GNA13: variants seen among roughly 807,000 people sequenced by gnomAD.
GNA13 encodes the protein guanine nucleotide-binding protein subunit alpha-13.
GNA13 carries 4 observed loss-of-function variants against 33.5 expected under a neutral mutation model. The observed-to-expected ratio is 0.12, with a 90% confidence interval of 0.06 to 0.27. The LOEUF (loss-of-function observed/expected upper bound fraction) is 0.27, where lower values mean the gene tolerates loss of function less well. Ranked by LOEUF, GNA13 falls within the 10% of genes least tolerant of loss-of-function variation. The probability of loss-of-function intolerance (pLI) is 1.00; values close to 1 mark genes in which losing one functional copy is unlikely to be tolerated. For missense variants in GNA13, 319 were observed against 487.2 expected, an observed-to-expected ratio of 0.65 and a Z score of 3.25; for synonymous variants, 176 against 183.8, an observed-to-expected ratio of 0.96 and a Z score of 0.34.
intron 3 of GNA13, among the ~76,000 whole-genome samples, chr17:65,017,456 G>C (rs1338593380): frequency 6.6e-6 from 1 of 152,160 alleles, no homozygotes; most frequent in Non-Finnish European, 1.5e-5. Flanking sequence ...GCTACATTTA[G>C]AGAGTAACAG....
intron 2 of GNA13, among the ~76,000 whole-genome samples, chr17:65,027,452 G>T (rs1210897101): frequency 6.6e-6 from 1 of 151,700 alleles, no homozygotes; most frequent in Non-Finnish European, 1.5e-5. Flanking sequence ...AGCCACTGGG[G>T]GCCCTTTAAA....
Position 65,011,748 on chromosome 17 carries a change from ATC to A in GNA13, c.*2507_*2508del, listed in dbSNP as rs1012511923. The A allele has an allele frequency of 1.3e-5, 3 of 228,054 alleles. No homozygotes were observed. Among genetic ancestry groups the A allele is most frequent in the Non-Finnish European group, 2.6e-5 (3 of 114,928 alleles). 14.1% of individuals were successfully genotyped at this position (228,054 alleles called of 1,614,324 possible). Reference sequence around the variant, plus strand: ...AATCAAATACATCAAAGAACTTTAAATCTAAATTACTTTTTTAGAGACTGGGG... The same window carrying A: ...AATCAAATACATCAAAGAACTTTAAATAAATTACTTTTTTAGAGACTGGGG... On this transcript the variant is annotated 3_prime_UTR_variant, in exon 4 of 4. Transcript: ENST00000439174.
intron 2 of GNA13, among the ~76,000 whole-genome samples, chr17:65,045,523 A>C (rs994601587): frequency 4.6e-5 from 7 of 151,148 alleles, no homozygotes; most frequent in African/African-American, 1.7e-4. Context: ...AAAAAAAAAA[A>C]AAAAACCAAA....
At chr17:65,052,319 A>T (rs10451275) in intron 2 of GNA13, 1 of 152,260 alleles carries the variant, frequency 6.6e-6, no homozygotes, top group African/African-American at 2.4e-5. Context: ...ACACCTGGCT[A>T]ATTTTTGTAT....
At position 65,056,728 on chromosome 17, in the gene GNA13, G is replaced by C; in HGVS notation, c.-135C>G. 1.1e-5 allele frequency: 3 copies of C among 272,074 alleles called. No homozygotes were observed. The East Asian group carries it at 5.4e-4, about 49-fold the overall frequency. The allele number at this position is 272,074 out of a possible 1,614,324, so 16.9% of individuals were successfully genotyped here. ...GCCCGAGCGCGCCCAGGGAGGGAGG[G>C]AACCAGCGAACTGACTCGCAGGGCG... On this transcript the variant is annotated 5_prime_UTR_variant, in exon 1 of 4. Transcript: ENST00000439174.
chr17:65,013,778 C>G lies in GNA13; in HGVS notation c.*479G>C, dbSNP rs1170758807. ...GAATGCCATTTCTTAGATAGAACTT[C>G]TAACAGCCCTTACAAAATAGGAGGT... On this transcript the variant is annotated 3_prime_UTR_variant, in exon 4 of 4. Coordinates refer to ENST00000439174, the MANE Select transcript of GNA13 (RefSeq NM_006572.6). 1 of 213,546 alleles carries G rather than the reference C, an allele frequency of 4.7e-6. No individual in the cohort carries two copies. The highest frequency in any genetic ancestry group is 7.1e-5 in the East Asian group (1 of 14,034). The allele number at this position is 213,546 out of a possible 1,614,324, so 13.2% of individuals were successfully genotyped here.
chr17:65,011,848 T>A lies in GNA13; in HGVS notation c.*2409A>T. ...AAATTTCATCTCTCTCTTCATATAG[T>A]GGTATTTCAAAAGGATTCAGTTTTC... On this transcript the variant is annotated 3_prime_UTR_variant, in exon 4 of 4. Transcript: ENST00000439174. 1 of 228,024 alleles carries A rather than the reference T, an allele frequency of 4.4e-6. No homozygotes were observed. 14.1% of individuals were successfully genotyped at this position (228,024 alleles called of 1,614,324 possible).
At chr17:65,027,195 A>G (rs1309127907) in intron 2 of GNA13, among the ~76,000 whole-genome samples, 1 of 152,166 alleles carries the variant, frequency 6.6e-6, no homozygotes, top group Non-Finnish European at 1.5e-5. Flanking sequence ...TGATCTTAAC[A>G]CTAGCACTTT....
chr17:65,023,507 A>C (rs181411620), intron 2 of GNA13, among the ~76,000 whole-genome samples: 4 of 152,336 alleles, frequency 2.6e-5, no homozygotes, highest in Admixed American at 2.0e-4. Flanking sequence ...ATGGTTTCGG[A>C]AATTAGCCTT....
rs148359780 is a variant in GNA13 at position 65,042,198 on chromosome 17, A to G, written c.510+11304T>C. ...AAATGGAGAAACCTTGTCTCTACTA[A>G]AAATACAAAATTAGCCAGGTGTGGT... On this transcript the variant is annotated intron_variant, in intron 2 of 3. Transcript: ENST00000439174. Among the ~76,000 whole-genome samples, 583 of 152,064 alleles carry G rather than the reference A, an allele frequency of 3.8e-3. 4 individuals are homozygous for G. The highest frequency in any genetic ancestry group is 0.013 in the African/African-American group (549 of 41,468).
In GNA13 at chr17:65,014,978, C is replaced by T. The variant is rs1567816184; in HGVS notation, c.562-149G>A. ...ATAGATTATGCTTATTATAAAATGC[C>T]AAGACTGGTCAGACATGGTGGGTCA... On this transcript the variant is annotated intron_variant, in intron 3 of 3. Transcript: ENST00000439174. This position sits in a 1 kb window ranked among gnomAD's most constrained non-coding sequence, Gnocchi z 5.3. The T allele has an allele frequency of 1.6e-6, 1 of 616,262 alleles. No individual in the cohort carries two copies. Among genetic ancestry groups the T allele is most frequent in the East Asian group, 2.7e-5 (1 of 36,578 alleles). The allele number at this position is 616,262 out of a possible 1,614,324, so 38.2% of individuals were successfully genotyped here.
In GNA13 at chr17:65,056,578, G is replaced by A. The variant is rs771909520; in HGVS notation, c.16C>T (p.Pro6Ser). 3 of 1,604,858 alleles carry A rather than the reference G, an allele frequency of 1.9e-6. No homozygotes were observed. The highest frequency in any genetic ancestry group is 2.2e-5 in the East Asian group (1 of 44,514). MADFL[P>S]SRSVLSVCFP... is the part of the protein sequence containing the mutation. ...CACACGGACAGCACGGACCGCGACG[G>A]CAGGAAGTCCGCCATCTTGCCGCCG... is the stretch of plus-strand genomic sequence containing the variant. The change falls in exon 1 of 4, where the codon CCG becomes TCG. Residue 6 changes from proline to serine, a missense_variant. Physicochemically the swap from Pro to Ser is moderately conservative, Grantham distance 74. Transcript: ENST00000439174.
At chr17:65,051,346 T>G (rs902852975) in intron 2 of GNA13, among the ~76,000 whole-genome samples, 1 of 152,184 alleles carries the variant, frequency 6.6e-6, no homozygotes, top group African/African-American at 2.4e-5. Context: ...CCAGGCACAG[T>G]GGCTCATGCC....
At chr17:65,025,277 GATA>G (rs1906734518) in intron 2 of GNA13, among the ~76,000 whole-genome samples, 1 of 152,044 alleles carries the variant, frequency 6.6e-6, no homozygotes, top group Admixed American at 6.6e-5. Flanking sequence ...CTTCTTTTGG[GATA>G]TCTGAATCAT....
Position 65,011,692 on chromosome 17 carries a change from TA to T in GNA13, c.*2564del, listed in dbSNP as rs1211318189. 8.8e-6 allele frequency: 2 copies of T among 227,026 alleles called. No homozygotes were observed. The highest frequency in any genetic ancestry group is 1.8e-5 in the Non-Finnish European group (2 of 113,940). The allele number at this position is 227,026 out of a possible 1,614,324, so 14.1% of individuals were successfully genotyped here. On this transcript the variant is annotated 3_prime_UTR_variant, in exon 4 of 4. Coordinates refer to ENST00000439174, the MANE Select transcript of GNA13 (RefSeq NM_006572.6). ...ATGTAACACAGGATTAGGCACATTT[TA>T]TTCCAAATCATAACCATAAAGATTT...
chr17:65,053,825 A>ATCCT (rs1907943700), intron 1 of GNA13, 97 bp from the exon 2 acceptor site: 5 of 722,452 alleles, frequency 6.9e-6, no homozygotes, highest in Non-Finnish European at 1.2e-5. Flanking sequence ...CTTCTGAATT[A>ATCCT]ACCTAGACAA....
At chr17:65,033,883 G>C (rs990795673) in intron 2 of GNA13, among the ~76,000 whole-genome samples, 23 of 151,620 alleles carry the variant, frequency 1.5e-4, no homozygotes, top group African/African-American at 5.6e-4. Flanking sequence ...TGTGGTAGTG[G>C]GCGCCTGTAG....
At chr17:65,021,240 A>G (rs1191055884) in intron 2 of GNA13, among the ~76,000 whole-genome samples, 1 of 152,194 alleles carries the variant, frequency 6.6e-6, no homozygotes, top group Non-Finnish European at 1.5e-5. Flanking sequence ...AAAGTCAACA[A>G]ACAATATTAG....
intron 1 of GNA13, among the ~76,000 whole-genome samples, chr17:65,055,407 T>C (rs1478365707): frequency 6.6e-6 from 1 of 152,172 alleles, no homozygotes; most frequent in African/African-American, 2.4e-5. Context: ...GCCGAGCCAA[T>C]TATCTAACTC....
Sources: gnomAD v4.1 joint callset for allele counts (sites outside exome capture counted in the v4.1 genomes callset) on GRCh38, gnomAD v4.1.1 for gene constraint, Gnocchi (gnomAD v3.1) non-coding constraint, MANE v1.5 for transcripts, NCBI Gene and HGNC (gene_info 2026-07-23, HGNC 2026-07-21) for gene names.